The following PLXND1 variants were observed in gnomAD, a reference collection of about 807,000 sequenced individuals.
The protein encoded by PLXND1 is plexin-D1.
In PLXND1, 54 loss-of-function variants were observed where a neutral mutation model predicts 197.7. That is an observed-to-expected ratio of 0.27 (90% CI 0.22 to 0.34). The LOEUF is 0.34. PLXND1 is among the 10% of genes least tolerant of loss of function. The pLI, the probability that PLXND1 is intolerant of heterozygous loss-of-function variation, is 1.00. For missense variants in PLXND1, 2,127 were observed against 2,699.2 expected, an observed-to-expected ratio of 0.79 and a Z score of 4.70; for synonymous variants, 1,180 against 1,161.2, an observed-to-expected ratio of 1.02 and a Z score of -0.33.
Position 129,605,992 on chromosome 3 carries a change from G to A in PLXND1, c.648C>T (p.Tyr216=). The stretch of plus-strand genomic sequence containing the variant: ...GGTTGCGCGGGAAGAAGGAGCTGCC[G>A]TAACCGGTGTACGTGGCGCCCACGA... ...RLLVGATYTG[Y]GSSFFPRNRS... Residue 216 remains tyrosine (Y), a synonymous_variant, in exon 1 of 36, where the codon TAC becomes TAT. Coordinates refer to ENST00000324093, the MANE Select transcript of PLXND1 (RefSeq NM_015103.3). The A allele has an allele frequency of 1.2e-6, 2 of 1,610,890 alleles. No individual in the cohort carries two copies. Among genetic ancestry groups the A allele is most frequent in the Non-Finnish European group, 8.5e-7 (1 of 1,179,700 alleles).
Position 129,556,306 on chromosome 3 carries a change from T to C in PLXND1, c.*6A>G, listed in dbSNP as rs764092034. 3.8e-6 allele frequency: 6 copies of C among 1,573,744 alleles called. No homozygotes were observed. In the Admixed American group the frequency reaches 6.7e-5, roughly 18 times the overall value. On this transcript the variant is annotated 3_prime_UTR_variant, in exon 36 of 36. Coordinates refer to ENST00000324093, the MANE Select transcript of PLXND1 (RefSeq NM_015103.3). Reference sequence around the variant, plus strand: ...CAGCAGCAGCCTGACCAACTCTCCATGTGTCTCAGGCCTCACTGTAGCACT... The same window carrying C: ...CAGCAGCAGCCTGACCAACTCTCCACGTGTCTCAGGCCTCACTGTAGCACT...
chr3:129,561,216 G>A (rs1485490546), intron 29 of PLXND1, among the ~76,000 whole-genome samples: 1 of 152,188 alleles, frequency 6.6e-6, no homozygotes, highest in Admixed American at 6.5e-5. Context: ...CTGAGACTCT[G>A]CTCTCAACCT....
chr3:129,567,331 T>G (rs936534692), intron 22 of PLXND1, among the ~76,000 whole-genome samples, 161 bp downstream of exon 22: 6 of 152,186 alleles, frequency 3.9e-5, no homozygotes, highest in African/African-American at 1.4e-4. Flanking sequence ...CCTCCAACCC[T>G]TCTCCCCGTG....
intron 1 of PLXND1, among the ~76,000 whole-genome samples, chr3:129,594,398 C>T (rs1028262450): frequency 1.3e-5 from 2 of 152,174 alleles, no homozygotes; most frequent in Non-Finnish European, 2.9e-5. Flanking sequence ...GTGGAAGGAT[C>T]GCCTGAAGCC....
At chr3:129,589,310 T>TGGCCACCCCCCCCC in intron 2 of PLXND1, 41 bp downstream of exon 2, 1 of 501,294 alleles carries the variant, frequency 2.0e-6, no homozygotes, top group East Asian at 5.1e-5. Flanking sequence ...CAGGGGAGCC[T>TGGCCACCCCCCCCC]CCCACCCCCA....
At chr3:129,561,037 G>C (rs1346674107) in intron 29 of PLXND1, 1 of 523,536 alleles carries the variant, frequency 1.9e-6, no homozygotes, top group Non-Finnish European at 3.7e-6. Context: ...CACACACACA[G>C]TGACCCGGGA....
In PLXND1 at chr3:129,571,307, G is replaced by A. The variant is rs1431688402; in HGVS notation, c.3337-4C>T. 1.2e-6 allele frequency: 2 copies of A among 1,610,324 alleles called. No homozygotes were observed. Among genetic ancestry groups the A allele is most frequent in the African/African-American group, 1.3e-5 (1 of 74,856 alleles). On this transcript the variant is annotated splice_region_variant and splice_polypyrimidine_tract_variant and intron_variant, in intron 17 of 35. Coordinates refer to ENST00000324093, the MANE Select transcript of PLXND1 (RefSeq NM_015103.3). ...TGGAGTTGAGAACCTTGCAGAGCTG[G>A]TGCAGGAGAGCCAGGGGCCCAGGCC... is the stretch of plus-strand genomic sequence containing the variant.
chr3:129,556,536 G>T (rs1472361016), intron 35 of PLXND1, 81 bp downstream of exon 35: 2 of 1,337,354 alleles, frequency 1.5e-6, no homozygotes, highest in Non-Finnish European at 2.2e-6. Context: ...CGTCCATTAG[G>T]GGCAAGCACC....
rs1474655480 is a variant in PLXND1 at position 129,559,425 on chromosome 3, C to T, written c.5297+195G>A. On this transcript the variant is annotated intron_variant, in intron 32 of 35. Coordinates refer to ENST00000324093, the MANE Select transcript of PLXND1 (RefSeq NM_015103.3). ...TCTTCTAGTTAATTCCCACCATTAA[C>T]ATGGGTCGCATTTTACAGTGGAGGG... 4 of 533,926 alleles carry T rather than the reference C, an allele frequency of 7.5e-6. No individual in the cohort carries two copies. In the African/African-American group the frequency reaches 7.7e-5, roughly 10 times the overall value. The allele number at this position is 533,926 out of a possible 1,614,324, so 33.1% of individuals were successfully genotyped here. A position where few individuals can be genotyped will look rare whatever the true frequency, so the allele number is the denominator to read the frequency against.
In PLXND1 at chr3:129,578,375, C is replaced by T; in HGVS notation, c.2300G>A (p.Gly767Asp). 3 of 1,607,522 alleles carry T rather than the reference C, an allele frequency of 1.9e-6. No homozygotes were observed. The highest frequency in any genetic ancestry group is 1.7e-6 in the Non-Finnish European group (2 of 1,177,672). ...LSPLAPVPTG[G>D]SQNILVPLAN... is the part of the protein sequence containing the mutation. ...CAGAGGCACCAGGATGTTCTGGGAG[C>T]CACCCGTAGGCACGGGTGCCAGGGG... Residue 767 changes from glycine to aspartate, a missense_variant, in exon 9 of 36, where the codon GGC (glycine) becomes GAC (aspartate). Physicochemically the swap from Gly to Asp is moderately conservative, Grantham distance 94. Transcript: ENST00000324093.
Position 129,565,548 on chromosome 3 carries a change from G to C in PLXND1, c.4323-10C>G. ...CGAGGCCAGGCTGCACCTGTGAGCGGGAGGCAGGTGTCAACTGCACCTTGA... is the reference window on the plus strand; with the variant it reads ...CGAGGCCAGGCTGCACCTGTGAGCGCGAGGCAGGTGTCAACTGCACCTTGA... On this transcript the variant is annotated splice_polypyrimidine_tract_variant and intron_variant, in intron 24 of 35. Coordinates refer to ENST00000324093, the MANE Select transcript of PLXND1 (RefSeq NM_015103.3). 6 of 1,610,548 alleles carry C rather than the reference G, an allele frequency of 3.7e-6. No individual in the cohort carries two copies. The South Asian group carries it at 5.5e-5, about 15-fold the overall frequency.
intron 1 of PLXND1, 40 bp downstream of exon 1, chr3:129,605,289 C>G: frequency 1.0e-6 from 1 of 992,368 alleles, no homozygotes; most frequent in African/African-American, 1.7e-5. Context: ...CCGCCCCCGC[C>G]GCCGCCGCCG....
In PLXND1 at chr3:129,559,694, G is replaced by A. The variant is rs776264739; in HGVS notation, c.5223C>T (p.Phe1741=). The change falls in exon 32 of 36, where the codon TTC becomes TTT. Residue 1741 remains phenylalanine, a synonymous_variant. Transcript: ENST00000324093. The part of the protein sequence containing the change: ...DKPPLAVKYF[F]DFLEEQAEKR... ...TCTCAGCCTGCTCCTCCAGGAAGTC[G>A]AAAAAGTACTTGACAGCCAGTGGGG... 7 of 1,613,314 alleles carry A rather than the reference G, an allele frequency of 4.3e-6. No individual in the cohort carries two copies. The highest frequency in any genetic ancestry group is 2.2e-5 in the South Asian group (2 of 90,986).
intron 8 of PLXND1, 52 bp downstream of exon 8, chr3:129,583,515 T>TA: frequency 8.5e-7 from 1 of 1,169,664 alleles, no homozygotes; most frequent in Non-Finnish European, 1.3e-6. Context: ...GTGAATTTTT[T>TA]AAAAAAGGTA....
At position 129,571,491 on chromosome 3, in the gene PLXND1, G is replaced by A. The variant is rs1171637156; in HGVS notation, c.3336+18C>T. On this transcript the variant is annotated intron_variant, in intron 17 of 35. Transcript: ENST00000324093. The stretch of plus-strand genomic sequence containing the variant: ...CTGGGCCACCCCCTCCCACCCATCA[G>A]GCCCCCGAATGCCTCACCGTGGGCT... 1 of 1,608,026 alleles carries A rather than the reference G, an allele frequency of 6.2e-7. No individual in the cohort carries two copies. Among genetic ancestry groups the A allele is most frequent in the South Asian group, 1.1e-5 (1 of 90,972 alleles).
intron 1 of PLXND1, among the ~76,000 whole-genome samples, chr3:129,591,854 G>A (rs1316115628): frequency 6.6e-6 from 1 of 151,996 alleles, no homozygotes; most frequent in Non-Finnish European, 1.5e-5. Flanking sequence ...TGCCAAATGA[G>A]CCCTTTAAAA....
At chr3:129,584,687 G>A in intron 5 of PLXND1, 125 bp from the exon 6 acceptor site, 2 of 882,910 alleles carry the variant, frequency 2.3e-6, no homozygotes, top group Non-Finnish European at 1.7e-6. Context: ...GGTAGTGGTG[G>A]CCAGGACTCA....
rs951400499 is a variant in PLXND1 at position 129,561,868 on chromosome 3, G to A, written c.4861C>T (p.Arg1621Trp). 3 of 1,613,844 alleles carry A rather than the reference G, an allele frequency of 1.9e-6. No individual in the cohort carries two copies. Among genetic ancestry groups the A allele is most frequent in the South Asian group, 1.1e-5 (1 of 91,076 alleles). Residue 1621 changes from arginine (R) to tryptophan (W), a missense_variant, in exon 28 of 36, where the codon CGG (arginine) becomes TGG (tryptophan). Physicochemically the swap from Arg to Trp is moderately radical, Grantham distance 101 (BLOSUM62 -3). This residue lies in a region of PLXND1 where 532 missense variants were observed against 811.0 expected (regional missense o/e 0.66). Transcript: ENST00000324093. The stretch of plus-strand genomic sequence containing the variant: ...ACCACTGAGGTGTCGTCCAGGTCCC[G>A]AAGGATGTAGCTCTGTGTGCTGGAG... ...FASSTQSYIL[R>W]DLDDTSVVED...
Position 129,571,036 on chromosome 3 carries a change from T to C in PLXND1, c.3600+4A>G. ...CCGCCTACCCCGGCCCCTTTGGTGC[T>C]CACGTGGATAACGAGGGTGAGAGGC... On this transcript the variant is annotated splice_donor_region_variant and intron_variant, in intron 18 of 35. Coordinates refer to ENST00000324093, the MANE Select transcript of PLXND1 (RefSeq NM_015103.3). The C allele has an allele frequency of 6.2e-7, 1 of 1,613,510 alleles. No individual in the cohort carries two copies. The highest frequency in any genetic ancestry group is 1.1e-5 in the South Asian group (1 of 91,070).
Sources: allele counts gnomAD v4.1 joint callset (sites outside exome capture counted in the v4.1 genomes callset), GRCh38; gene constraint gnomAD v4.1.1; regional missense constraint gnomAD v4.1.1; transcripts MANE v1.5; gene names NCBI Gene and HGNC (gene_info 2026-07-23, HGNC 2026-07-21).